Variants in NOM1 observed in about 807,000 individuals in gnomAD.
The protein encoded by NOM1 is nucleolar protein with MIF4G domain 1.
In NOM1, 58 loss-of-function variants were observed where a neutral mutation model predicts 73.3. The ratio of observed to expected loss-of-function variants is 0.79; its 90% CI spans 0.64 to 0.99. The LOEUF is 0.99. Among genes scored for constraint, NOM1 ranks in the 50% least tolerant of loss-of-function variants. The probability of loss-of-function intolerance (pLI) is 0.00; values close to 1 mark genes in which losing one functional copy is unlikely to be tolerated. For missense variants in NOM1, 1,226 were observed against 1,131.9 expected, an observed-to-expected ratio of 1.08 and a Z score of -1.19; for synonymous variants, 487 against 446.8, an observed-to-expected ratio of 1.09 and a Z score of -1.14.
intron 2 of NOM1, among the ~76,000 whole-genome samples, chr7:156,953,534 C>G (rs1461869079): frequency 6.6e-6 from 1 of 152,152 alleles, no homozygotes; most frequent in Non-Finnish European, 1.5e-5. Context: ...CACCCACCCC[C>G]TTCCCCCTTG....
At position 156,963,082 on chromosome 7, in the gene NOM1, G is replaced by A. The variant is rs561047627; in HGVS notation, c.1818G>A (p.Thr606=). Residue 606 remains threonine (T), a synonymous_variant, in exon 6 of 11, where the codon ACG becomes ACA. Coordinates refer to ENST00000275820, the MANE Select transcript of NOM1 (RefSeq NM_138400.2). ...SWDSVLSAEQ[T]GRWWIVGSAW... is the part of the protein sequence containing the mutation. ...ACAGTGTCTTGAGTGCGGAGCAGAC[G>A]GGTCGCTGGTGGATTGTGGGGTCCG... The A allele has an allele frequency of 4.0e-4, 641 of 1,614,170 alleles. 8 individuals are homozygous for A. In the South Asian group the frequency reaches 6.5e-3, roughly 16 times the overall value.
rs6952436 is a variant in NOM1, at chr7:156,971,737, T to G, written c.*2034T>G. ...ATATCCCTAAACTAATGGTTTAAGC[T>G]TTGAAGCATGCGCAAGCAACATGAA... On this transcript the variant is annotated 3_prime_UTR_variant, in exon 11 of 11. Coordinates refer to ENST00000275820, the MANE Select transcript of NOM1 (RefSeq NM_138400.2). The G allele has an allele frequency of 0.52, 78,714 of 152,162 alleles. 20,740 individuals carry two copies. Among genetic ancestry groups the G allele is most frequent in the Middle Eastern group, 0.63 (183 of 292 alleles). 9.4% of individuals were successfully genotyped at this position (152,162 alleles called of 1,614,324 possible). A position where few individuals can be genotyped will look rare whatever the true frequency, so the allele number is the denominator to read the frequency against.
chr7:156,963,466 C>A (rs566804410), intron 6 of NOM1: 1 of 491,358 alleles, frequency 2.0e-6, no homozygotes, highest in East Asian at 3.8e-5. Flanking sequence ...TTGCTGAGAC[C>A]CCTCAGGCTG....
At chr7:156,952,015 T>G (rs1217046299) in intron 1 of NOM1, among the ~76,000 whole-genome samples, 1 of 152,222 alleles carries the variant, frequency 6.6e-6, no homozygotes, top group Non-Finnish European at 1.5e-5. Flanking sequence ...CGGTTTTGAT[T>G]TTTATCATAT....
chr7:156,963,140 C>CA lies in NOM1; in HGVS notation c.1877dup (p.His626GlnfsTer42), dbSNP rs2134790794. The CA allele has an allele frequency of 6.2e-7, 1 of 1,614,160 alleles. No individual in the cohort carries two copies. The highest frequency in any genetic ancestry group is 1.1e-5 in the South Asian group (1 of 91,076). On this transcript the variant is annotated frameshift_variant, in exon 6 of 11. Transcript: ENST00000275820. LOFTEE classifies it high-confidence loss of function. ...TGGGGCCCCGATGATCGACAACAGT[C>CA]ACCATACGCACCTGCAGAAGCAGCT...
At chr7:156,954,522 CTTTTTTTTTTTT>C (rs34176770) in intron 3 of NOM1, among the ~76,000 whole-genome samples, 1 of 101,660 alleles carries the variant, frequency 9.8e-6, no homozygotes, top group Non-Finnish European at 1.9e-5. Flanking sequence ...TCTGTCCATT[CTTTTTTTTTTTT>C]TTTTTTTTGA....
chr7:156,958,772 C>G (rs544255430), intron 3 of NOM1: 1 of 152,270 alleles, frequency 6.6e-6, no homozygotes, highest in Non-Finnish European at 1.5e-5. Flanking sequence ...GTTCCTGGCC[C>G]CACTTCCGCC....
In NOM1 at chr7:156,971,890, C is replaced by T. The variant is rs1563689611; in HGVS notation, c.*2187C>T. ...CAAACCCTATGTCTTCTAGCAGGTT[C>T]TGAATTTAGAGGACAAATAAGGTGA... On this transcript the variant is annotated 3_prime_UTR_variant, in exon 11 of 11. Coordinates refer to ENST00000275820, the MANE Select transcript of NOM1 (RefSeq NM_138400.2). 1 of 152,222 alleles carries T rather than the reference C, an allele frequency of 6.6e-6. No homozygotes were observed. Among genetic ancestry groups the T allele is most frequent in the African/African-American group, 2.4e-5 (1 of 41,460 alleles). 9.4% of individuals were successfully genotyped at this position (152,222 alleles called of 1,614,324 possible).
chr7:156,954,324 T>C (rs1804666621), intron 3 of NOM1, 26 bp downstream of exon 3: 1 of 1,540,722 alleles, frequency 6.5e-7, no homozygotes, highest in African/African-American at 1.4e-5. Flanking sequence ...TTCTCCAGGC[T>C]GTCACTAGTG....
chr7:156,956,535 G>C (rs13239215), intron 3 of NOM1, among the ~76,000 whole-genome samples: 1,808 of 152,262 alleles, frequency 0.012, 19 homozygotes, highest in Middle Eastern at 0.031. Context: ...TTTCTTTGTT[G>C]TTGCTAGATA....
intron 5 of NOM1, 68 bp from the exon 6 acceptor site, chr7:156,962,940 C>T: frequency 6.6e-7 from 1 of 1,510,432 alleles, no homozygotes; most frequent in South Asian, 1.3e-5. Flanking sequence ...AACAAAAAGC[C>T]ACCGGTGATG....
chr7:156,952,629 C>T, intron 2 of NOM1, 31 bp downstream of exon 2: 1 of 1,596,082 alleles, frequency 6.3e-7, no homozygotes, highest in Non-Finnish European at 8.5e-7. Context: ...CACTGTGTCA[C>T]TTAGAGAGGT....
At chr7:156,968,635 G>A (rs1351284374) in intron 9 of NOM1, 1 of 133,136 alleles carries the variant, frequency 7.5e-6, no homozygotes, top group East Asian at 2.1e-4. Context: ...CTGATTTTTT[G>A]ATAGTTTTCT....
At position 156,966,100 on chromosome 7, in the gene NOM1, G is replaced by T. The variant is rs549894198; in HGVS notation, c.2034-170G>T. 168 of 731,868 alleles carry T rather than the reference G, an allele frequency of 2.3e-4. 2 individuals are homozygous for T. In the South Asian group the frequency reaches 2.8e-3, roughly 12 times the overall value. 45.3% of individuals were successfully genotyped at this position (731,868 alleles called of 1,614,324 possible). On this transcript the variant is annotated intron_variant, in intron 7 of 10. Coordinates refer to ENST00000275820, the MANE Select transcript of NOM1 (RefSeq NM_138400.2). ...GTAGGAGAACCTGAGGACCAGAGAG[G>T]TTGTGACAGGGCTGGGCCCCTAGCT...
At chr7:156,964,111 T>C in intron 7 of NOM1, 85 bp downstream of exon 7, 6 of 1,412,634 alleles carry the variant, frequency 4.2e-6, no homozygotes, top group Non-Finnish European at 5.9e-6. Flanking sequence ...TTTGGACGAC[T>C]GAGTCTGATG....
At chr7:156,966,020 G>A (rs148041409) in intron 7 of NOM1, 47 of 515,634 alleles carry the variant, frequency 9.1e-5, no homozygotes, top group African/African-American at 8.7e-4. Context: ...GTCGACTTTT[G>A]CAGCGACGGG....
Position 156,949,932 on chromosome 7 carries a change from C to T in NOM1, c.195C>T (p.Cys65=). Reference sequence around the variant, plus strand: ...CGGAAGGCGAGGCTCCCGGGGGTTGCGAGGGGCGCGGCGCCCCGGTGAGCT... The same window carrying T: ...CGGAAGGCGAGGCTCCCGGGGGTTGTGAGGGGCGCGGCGCCCCGGTGAGCT... The part of the protein sequence containing the change: ...ATSEGEAPGG[C]EGRGAPVSFR... The change falls in exon 1 of 11, where the codon TGC becomes TGT. Residue 65 remains cysteine (C), a synonymous_variant. Coordinates refer to ENST00000275820, the MANE Select transcript of NOM1 (RefSeq NM_138400.2). The T allele has an allele frequency of 6.5e-7, 1 of 1,541,638 alleles. No homozygotes were observed.
Position 156,972,262 on chromosome 7 carries a change from CATTA to C in NOM1, c.*2564_*2567del. On this transcript the variant is annotated 3_prime_UTR_variant, in exon 11 of 11. Coordinates refer to ENST00000275820, the MANE Select transcript of NOM1 (RefSeq NM_138400.2). ...GTGGTGCTAACTTGATGTGAGTAGGCATTAATTATGGGTGCGGCTACTAAGATGG... is the reference window on the plus strand; with the variant it reads ...GTGGTGCTAACTTGATGTGAGTAGGCATTATGGGTGCGGCTACTAAGATGG... The C allele has an allele frequency of 6.6e-6, 1 of 152,330 alleles. No homozygotes were observed. The highest frequency in any genetic ancestry group is 1.5e-5 in the Non-Finnish European group (1 of 68,040). 9.4% of individuals were successfully genotyped at this position (152,330 alleles called of 1,614,324 possible). A position where few individuals can be genotyped will look rare whatever the true frequency, so the allele number is the denominator to read the frequency against.
chr7:156,957,675 T>A (rs1804756740), intron 3 of NOM1, among the ~76,000 whole-genome samples: 1 of 147,618 alleles, frequency 6.8e-6, no homozygotes, highest in South Asian at 2.1e-4. Context: ...CTCGGGAGGC[T>A]GAGGCAGGAG....
Sources: gnomAD v4.1 joint callset for allele counts (sites outside exome capture counted in the v4.1 genomes callset) on GRCh38, gnomAD v4.1.1 for gene constraint, MANE v1.5 for transcripts, NCBI Gene and HGNC (gene_info 2026-07-23, HGNC 2026-07-21) for gene names.